NAA11: variants seen among roughly 807,000 people sequenced by gnomAD.
The protein encoded by NAA11 is N-alpha-acetyltransferase 11, NatA catalytic subunit, also known as N-alpha-acetyltransferase 11.
In NAA11, 15 loss-of-function variants were observed where a neutral mutation model predicts 16.1. The observed-to-expected ratio is 0.93, with a 90% CI of 0.62 to 1.44. The LOEUF (loss-of-function observed/expected upper bound fraction) is 1.44. NAA11 is among the 40% of genes most tolerant of loss of function. The probability of loss-of-function intolerance (pLI) is 0.00; values close to 1 mark genes in which losing one functional copy is unlikely to be tolerated. For missense variants in NAA11, 298 were observed against 291.3 expected, an observed-to-expected ratio of 1.02 and a Z score of -0.17; for synonymous variants, 122 against 112.4, an observed-to-expected ratio of 1.09 and a Z score of -0.54.
chr4:79,305,217 G>A (rs913482986), intron 1 of NAA11: 1 of 152,056 alleles, frequency 6.6e-6, no homozygotes, highest in Non-Finnish European at 1.5e-5. Context: ...TTCAAATAGA[G>A]GCTCTTCCCC....
At chr4:79,304,070 C>T (rs1019916541) in intron 1 of NAA11, among the ~76,000 whole-genome samples, 1 of 152,100 alleles carries the variant, frequency 6.6e-6, no homozygotes, top group Non-Finnish European at 1.5e-5. Context: ...TCTGTTTTTG[C>T]ACCTCTTTTG....
At chr4:79,282,442 G>A (rs2109987376) in intron 2 of NAA11, among the ~76,000 whole-genome samples, 1 of 152,166 alleles carries the variant, frequency 6.6e-6, no homozygotes, top group Non-Finnish European at 1.5e-5. Context: ...CCAGTTTGTA[G>A]CTATTGAGAT....
the NAA11 span, among the ~76,000 whole-genome samples, chr4:79,190,272 TCA>T: frequency 4.1e-3 from 619 of 152,354 alleles, 7 homozygotes; most frequent in African/African-American, 0.014. Context: ...TTGGATTTTT[TCA>T]CAGAGATGAG....
At chr4:79,219,382 A>G in the NAA11 span, among the ~76,000 whole-genome samples, 1 of 152,190 alleles carries the variant, frequency 6.6e-6, no homozygotes, top group Non-Finnish European at 1.5e-5. Context: ...ATAAGGCCTA[A>G]TAAAGAAGTA....
chr4:79,321,552 C>T (rs1724088918), intron 1 of NAA11, among the ~76,000 whole-genome samples: 1 of 152,148 alleles, frequency 6.6e-6, no homozygotes, highest in African/African-American at 2.4e-5. Flanking sequence ...GAACCATGAC[C>T]TTGGATTTGG....
the NAA11 span, among the ~76,000 whole-genome samples, chr4:79,159,283 T>C: frequency 6.6e-5 from 10 of 152,030 alleles, no homozygotes; most frequent in Non-Finnish European, 1.2e-4. Flanking sequence ...AGGATATGAA[T>C]AGACAGTTCC....
intron 1 of NAA11, among the ~76,000 whole-genome samples, chr4:79,320,646 C>T (rs1724063455): frequency 1.3e-5 from 2 of 152,166 alleles, no homozygotes; most frequent in African/African-American, 4.8e-5. Context: ...CAAAACAGTG[C>T]GTTTTCATAG....
At chr4:79,247,738 A>C (rs1721874040) in intron 2 of NAA11, among the ~76,000 whole-genome samples, 2 of 152,000 alleles carry the variant, frequency 1.3e-5, no homozygotes. Context: ...ATGCACTGAG[A>C]CTCATTCCTG....
the NAA11 span, among the ~76,000 whole-genome samples, chr4:79,203,244 C>T: frequency 1.3e-5 from 2 of 151,610 alleles, no homozygotes; most frequent in Non-Finnish European, 3.0e-5. Flanking sequence ...GAAATTTTGA[C>T]TCCATTAAGG....
downstream of NAA11, among the ~76,000 whole-genome samples, chr4:79,316,468 G>A (rs1251597728): frequency 1.3e-5 from 2 of 152,032 alleles, no homozygotes; most frequent in Non-Finnish European, 2.9e-5. Flanking sequence ...TGTAAGAACT[G>A]CTTAGCAGGG....
downstream of NAA11, among the ~76,000 whole-genome samples, chr4:79,313,024 C>A (rs1578193864): frequency 2.0e-5 from 3 of 152,252 alleles, no homozygotes; most frequent in African/African-American, 7.2e-5. Context: ...CAGGAATTCA[C>A]CTTCTCCATA....
the NAA11 span, among the ~76,000 whole-genome samples, chr4:79,193,887 C>T: frequency 6.6e-6 from 1 of 152,084 alleles, no homozygotes; most frequent in Non-Finnish European, 1.5e-5. Context: ...TTGTTTGTCT[C>T]TTCTTTTATT....
At position 79,250,236 on chromosome 4, in the gene NAA11, G is replaced by A. The variant is rs146361399; in HGVS notation, c.*123-23966C>T. 4.4e-3 allele frequency among the ~76,000 whole-genome samples: 666 copies of A among 152,348 alleles called. 7 individuals carry two copies. Among genetic ancestry groups the A allele is most frequent in the African/African-American group, 0.015 (628 of 41,586 alleles). On this transcript the variant is annotated intron_variant and NMD_transcript_variant, in intron 2 of 2. Coordinates refer to the NAA11 transcript ENST00000511542. The stretch of plus-strand genomic sequence containing the variant: ...AGATGCAGGAGTTTTTGCAAACTCC[G>A]GCCCCAGGAATTCTAGTGAGGCAGG...
chr4:79,211,631 C>G, the NAA11 span: 1 of 152,200 alleles, frequency 6.6e-6, no homozygotes, highest in Non-Finnish European at 1.5e-5. Context: ...CCCCACCCCC[C>G]ACAAGCTGGA....
At position 79,248,928 on chromosome 4, in the gene NAA11, A is replaced by G. The variant is rs571902680; in HGVS notation, c.*123-22658T>C. Among the ~76,000 whole-genome samples the G allele has an allele frequency of 9.8e-5, 15 of 152,298 alleles. No individual in the cohort carries two copies. The South Asian group carries it at 2.9e-3, about 29-fold the overall frequency. On this transcript the variant is annotated intron_variant and NMD_transcript_variant, in intron 2 of 2. Transcript: ENST00000511542. ...ATTACAGATCCCACTACCACTGCCT[A>G]AAAAGCACTTTGGCTGGCACCACCC... is the stretch of plus-strand genomic sequence containing the variant.
rs1723359450 is a variant in NAA11 at position 79,300,676 on chromosome 4, A to T, written c.*13-6562T>A. On this transcript the variant is annotated intron_variant and NMD_transcript_variant, in intron 1 of 2. Transcript: ENST00000511542. Reference sequence around the variant, plus strand: ...GCGGTAGGGAGGGCAAAAATGTTGAAAAGTAAATTGGGTTATATGAGGACA... The same window carrying T: ...GCGGTAGGGAGGGCAAAAATGTTGATAAGTAAATTGGGTTATATGAGGACA... 2.6e-5 allele frequency among the ~76,000 whole-genome samples: 4 copies of T among 152,344 alleles called. No homozygotes were observed. The South Asian group carries it at 8.3e-4, about 32-fold the overall frequency.
intron 2 of NAA11, among the ~76,000 whole-genome samples, chr4:79,276,451 C>T (rs1329696504): frequency 2.0e-5 from 3 of 152,136 alleles, no homozygotes; most frequent in Admixed American, 1.3e-4. Flanking sequence ...CAGGTCAGCC[C>T]GTGAGGGCCA....
chr4:79,223,590 A>T (rs1265645031), downstream of NAA11, among the ~76,000 whole-genome samples: 1 of 151,162 alleles, frequency 6.6e-6, no homozygotes, highest in East Asian at 2.0e-4. Flanking sequence ...GCACATGTAT[A>T]CATATGTAAC....
chr4:79,252,707 C>A (rs938163469), intron 2 of NAA11, among the ~76,000 whole-genome samples: 3 of 151,936 alleles, frequency 2.0e-5, no homozygotes, highest in Non-Finnish European at 4.4e-5. Flanking sequence ...AGTTGGAGGG[C>A]AGAAAAATTT....
Sources: allele counts gnomAD v4.1 joint callset (sites outside exome capture counted in the v4.1 genomes callset), GRCh38; gene constraint gnomAD v4.1.1; transcripts MANE v1.5; gene names NCBI Gene and HGNC (gene_info 2026-07-23, HGNC 2026-07-21).